The following KIF21B variants were observed in gnomAD, a reference collection of about 807,000 sequenced individuals.
KIF21B encodes the protein kinesin-like protein KIF21B.
In KIF21B, 85 loss-of-function variants were observed where a neutral mutation model predicts 192.9. That is an observed-to-expected ratio of 0.44 (90% CI 0.37 to 0.53). The LOEUF (loss-of-function observed/expected upper bound fraction) is 0.53. Among genes scored for constraint, KIF21B ranks in the 20% least tolerant of loss-of-function variants. KIF21B has a pLI of 0.00. For synonymous variants in KIF21B, 832 were observed against 884.6 expected (o/e 0.94, Z 1.05); for missense variants, 1,716 against 2,194.8 (o/e 0.78, Z 4.36).
In KIF21B at chr1:200,991,036, TGAG is replaced by T. The variant is rs1656658705; in HGVS notation, c.2565_2567del (p.Ser857del). ...AGCGGGCCCCTGATTCAGCCTCAGA[TGAG>T]GTAGTGCTGGCCGACACCTCAGCCC... On this transcript the variant is annotated inframe_deletion, in exon 18 of 35. Transcript: ENST00000461742. 1 of 1,614,056 alleles carries T rather than the reference TGAG, an allele frequency of 6.2e-7. No individual in the cohort carries two copies. Among genetic ancestry groups the T allele is most frequent in the Admixed American group, 1.7e-5 (1 of 60,008 alleles).
rs780848833 is a variant in KIF21B, at chr1:200,974,833, A to C, written c.4695T>G (p.Arg1565=). The C allele has an allele frequency of 6.2e-7, 1 of 1,614,106 alleles. No individual in the cohort carries two copies. Among genetic ancestry groups the C allele is most frequent in the African/African-American group, 1.3e-5 (1 of 74,942 alleles). ...CGTTCCAGACCTTGATGACACCCGC[A>C]CGGCAGGCGCTGAGCAGCATGGGGC... ...PGRPMLLSAC[R]AGVIKVWNVD... The change falls in exon 34 of 35, where the codon CGT becomes CGG. Residue 1565 remains arginine, a synonymous_variant. Transcript: ENST00000461742.
chr1:201,008,670 T>A (rs1283556034), intron 3 of KIF21B, 99 bp downstream of exon 3: 1 of 1,135,904 alleles, frequency 8.8e-7, no homozygotes, highest in East Asian at 2.4e-5. Context: ...GCCCCCATGG[T>A]TCCCAGGACT....
In KIF21B at chr1:200,975,600, C is replaced by T. The variant is rs144049379; in HGVS notation, c.4513G>A (p.Asp1505Asn). The part of the protein sequence containing the change: ...PTHNFEPPHY[D>N]GIECLAIQGD... ...TGGATGGCGAGACACTCGATGCCAT[C>T]GTAGTGCGGGGGCTCGAAGTTGTGA... The change falls in exon 33 of 35, where the codon GAT becomes AAT. Residue 1505 changes from aspartate to asparagine, a missense_variant. Around this residue, in one of 3 missense-constraint regions of KIF21B, gnomAD observed 580 missense variants for 775.5 expected, o/e 0.75. Coordinates refer to ENST00000461742, the MANE Select transcript of KIF21B (RefSeq NM_001252102.2). The surrounding 1 kb of genome is among the most constrained non-coding windows in gnomAD (Gnocchi z 4.3). The T allele has an allele frequency of 2.5e-6, 4 of 1,613,934 alleles. No homozygotes were observed. The African/African-American group carries it at 4.0e-5, about 16-fold the overall frequency.
In KIF21B at chr1:201,017,106, G is replaced by A. The variant is rs937428722; in HGVS notation, c.41+6237C>T. On this transcript the variant is annotated intron_variant, in intron 1 of 34. Coordinates refer to ENST00000461742, the MANE Select transcript of KIF21B (RefSeq NM_001252102.2). The surrounding 1 kb of genome is among the most constrained non-coding windows in gnomAD (Gnocchi z 4.1). ...GCTTCTGAGTAACGCTAAGGGTCAG[G>A]CAGGCTAACAGGGGAGGGGGTGCCT... Among the ~76,000 whole-genome samples, 1 of 152,134 alleles carries A rather than the reference G, an allele frequency of 6.6e-6. No individual in the cohort carries two copies. The highest frequency in any genetic ancestry group is 1.5e-5 in the Non-Finnish European group (1 of 68,026).
intron 3 of KIF21B, 112 bp from the exon 4 acceptor site, chr1:201,005,806 G>T: frequency 8.5e-7 from 1 of 1,181,674 alleles, no homozygotes; most frequent in Non-Finnish European, 1.2e-6. Context: ...GAGGCTGTGG[G>T]TCCCCTCTGG....
Position 200,998,538 on chromosome 1 carries a change from A to C in KIF21B, c.1923T>G (p.Cys641Trp). 6.2e-7 allele frequency: 1 copy of C among 1,613,636 alleles called. No homozygotes were observed. The highest frequency in any genetic ancestry group is 8.5e-7 in the Non-Finnish European group (1 of 1,179,970). ...NFQADLADLT[C>W]EIEIKQKLID... is the part of the protein sequence containing the mutation. ...TCAGCTTCTGCTTGATTTCGATCTC[A>C]CAAGTCAGGTCGGCCAGGTCCGCCT... Residue 641 changes from cysteine (C) to tryptophan (W), a missense_variant, in exon 14 of 35, where the codon TGT (cysteine) becomes TGG (tryptophan). Transcript: ENST00000461742. The surrounding 1 kb of genome is among the most constrained non-coding windows in gnomAD (Gnocchi z 4.3).
At chr1:200,976,918 G>A (rs556415102) in intron 31 of KIF21B, 25 bp from the exon 32 acceptor site, 1 of 1,559,330 alleles carries the variant, frequency 6.4e-7, no homozygotes, top group Non-Finnish European at 8.8e-7. Context: ...GGCCCAGCCA[G>A]GGGTAGGTGA....
At position 200,999,812 on chromosome 1, in the gene KIF21B, G is replaced by A; in HGVS notation, c.1767+71C>T. On this transcript the variant is annotated intron_variant, in intron 12 of 34. Coordinates refer to ENST00000461742, the MANE Select transcript of KIF21B (RefSeq NM_001252102.2). The surrounding 1 kb of genome is among the most constrained non-coding windows in gnomAD (Gnocchi z 4.7). ...CTTCACTCCATACAAGGATGCGGAT[G>A]GGGCCCCCGCCAACCCCAGCAGGGA... is the stretch of plus-strand genomic sequence containing the variant. The A allele has an allele frequency of 1.3e-6, 2 of 1,536,398 alleles. No homozygotes were observed. The highest frequency in any genetic ancestry group is 1.7e-5 in the Admixed American group (1 of 59,910).
Position 201,023,380 on chromosome 1 carries a change from C to T in KIF21B, c.4G>A (p.Ala2Thr). ...TTGACGCAGCAGTCCCCCTGGCCGG[C>T]CATGGCCCTCTGGAGCTAGGGTCTG... M[A>T]GQGDCCVKVA... is the part of the protein sequence containing the mutation. Residue 2 changes from alanine (A) to threonine (T), a missense_variant, in exon 1 of 35, where the codon GCC becomes ACC. This residue lies in a region of KIF21B where 1,087 missense variants were observed against 1,316.6 expected (regional missense o/e 0.83). Transcript: ENST00000461742. The surrounding 1 kb of genome is among the most constrained non-coding windows in gnomAD (Gnocchi z 5.9). 1 of 1,526,126 alleles carries T rather than the reference C, an allele frequency of 6.6e-7. No homozygotes were observed. The highest frequency in any genetic ancestry group is 8.8e-7 in the Non-Finnish European group (1 of 1,139,188). 94.5% of individuals were successfully genotyped at this position (1,526,126 alleles called of 1,614,324 possible).
Position 200,998,510 on chromosome 1 carries a change from C to G in KIF21B, c.1951G>C (p.Asp651His), listed in dbSNP as rs186282104. The change falls in exon 14 of 35, where the codon GAC (aspartate) becomes CAC (histidine). Residue 651 changes from aspartate to histidine, a missense_variant. Asp to His is a moderately conservative substitution (Grantham distance 81, BLOSUM62 -1). Coordinates refer to ENST00000461742, the MANE Select transcript of KIF21B (RefSeq NM_001252102.2). The surrounding 1 kb of genome is among the most constrained non-coding windows in gnomAD (Gnocchi z 4.3). ...CGCCGCTGGCTGTTCTCCAGCTCGT[C>G]GATCAGCTTCTGCTTGATTTCGATC... ...CEIEIKQKLI[D>H]ELENSQRRLQ... 9.9e-6 allele frequency: 16 copies of G among 1,613,906 alleles called. No homozygotes were observed. The highest frequency in any genetic ancestry group is 1.2e-5 in the Non-Finnish European group (14 of 1,180,006).
At chr1:200,983,175 G>A (rs1656057893) in intron 27 of KIF21B, 81 bp from the exon 28 acceptor site, 1 of 1,256,928 alleles carries the variant, frequency 8.0e-7, no homozygotes, top group Admixed American at 2.0e-5. Context: ...AGCAGTGTGT[G>A]GGGTGGTCAG....
chr1:200,979,433 G>C (rs1655769425), intron 30 of KIF21B, 102 bp downstream of exon 30: 1 of 822,416 alleles, frequency 1.2e-6, no homozygotes, highest in Non-Finnish European at 1.8e-6. Context: ...TGCCCATGTA[G>C]CCGGGCTGTG....
Position 200,999,288 on chromosome 1 carries a change from C to T in KIF21B, c.1885+61G>A. 1 of 1,607,300 alleles carries T rather than the reference C, an allele frequency of 6.2e-7. No individual in the cohort carries two copies. The highest frequency in any genetic ancestry group is 8.5e-7 in the Non-Finnish European group (1 of 1,174,518). On this transcript the variant is annotated intron_variant, in intron 13 of 34. Coordinates refer to ENST00000461742, the MANE Select transcript of KIF21B (RefSeq NM_001252102.2). This position sits in a 1 kb window ranked among gnomAD's most constrained non-coding sequence, Gnocchi z 4.7. ...TATCTTTGAGCAGGGCCCGACCCCA[C>T]ACTTGGGCACTGGCAGCCAGGCATT...
At chr1:201,004,732 G>A (rs1344017723) in intron 6 of KIF21B, 34 bp downstream of exon 6, 2 of 1,613,066 alleles carry the variant, frequency 1.2e-6, no homozygotes, top group African/African-American at 2.7e-5. Context: ...TGAGCTGTGT[G>A]GGTGCTGGGG....
At position 200,997,839 on chromosome 1, in the gene KIF21B, T is replaced by C. The variant is rs1438353008; in HGVS notation, c.2077+545A>G. Among the ~76,000 whole-genome samples the C allele has an allele frequency of 3.9e-5, 6 of 152,338 alleles. No homozygotes were observed. The South Asian group carries it at 6.2e-4, about 16-fold the overall frequency. ...ATACTTATCACCATTTGACACACTA[T>C]AGTTTCTGCTCTTTCGTTTATGTTT... On this transcript the variant is annotated intron_variant, in intron 14 of 34. Coordinates refer to ENST00000461742, the MANE Select transcript of KIF21B (RefSeq NM_001252102.2).
rs2102369840 is a variant in KIF21B at position 200,975,423 on chromosome 1, G to T, written c.4614+76C>A. On this transcript the variant is annotated intron_variant, in intron 33 of 34. Transcript: ENST00000461742. The surrounding 1 kb of genome is among the most constrained non-coding windows in gnomAD (Gnocchi z 4.3). ...CTGGGGCCCGCGAGTCCAGGTCCCA[G>T]GGTCTCCAAGGCCCTGCGTGGGCTA... is the stretch of plus-strand genomic sequence containing the variant. 1 of 1,394,676 alleles carries T rather than the reference G, an allele frequency of 7.2e-7. No individual in the cohort carries two copies. Among genetic ancestry groups the T allele is most frequent in the East Asian group, 2.3e-5 (1 of 43,024 alleles). 86.4% of individuals were successfully genotyped at this position (1,394,676 alleles called of 1,614,324 possible).
In KIF21B at chr1:200,979,539, G is replaced by C. The variant is rs758234153; in HGVS notation, c.4156C>G (p.Leu1386Val). The change falls in exon 30 of 35, where the codon CTC becomes GTC. Residue 1386 changes from leucine (L) to valine (V), a missense_variant. Physicochemically the swap from Leu to Val is conservative, Grantham distance 32. This residue lies in a region of KIF21B where 580 missense variants were observed against 775.5 expected (regional missense o/e 0.75). Transcript: ENST00000461742. The part of the protein sequence containing the change: ...IRDSAKCIRT[L>V]TSSGQVISGD... ...AGGCAGGCGGGGGTTACTCACGTGA[G>C]AGTCCGAATGCACTTGGCTGAGTCC... 10 of 1,543,756 alleles carry C rather than the reference G, an allele frequency of 6.5e-6. No homozygotes were observed. The highest frequency in any genetic ancestry group is 6.2e-5 in the South Asian group (5 of 80,638).
At chr1:201,007,039 GAGACACATAGACACACACACAC>G (rs1657879641) in intron 3 of KIF21B, among the ~76,000 whole-genome samples, 2 of 95,138 alleles carry the variant, frequency 2.1e-5, no homozygotes, top group South Asian at 3.3e-4. Context: ...CACAGACACA[GAGACACATAGACACACACACAC>G]ACAGACACAC....
intron 21 of KIF21B, among the ~76,000 whole-genome samples, chr1:200,989,136 C>A (rs1656509461): frequency 6.6e-6 from 1 of 152,142 alleles, no homozygotes; most frequent in Non-Finnish European, 1.5e-5. Context: ...TTAGGACATA[C>A]CCTATTATGG....
Sources: allele counts gnomAD v4.1 joint callset (sites outside exome capture counted in the v4.1 genomes callset), GRCh38; gene constraint gnomAD v4.1.1; regional missense constraint gnomAD v4.1.1; non-coding constraint Gnocchi (gnomAD v3.1); transcripts MANE v1.5; gene names NCBI Gene and HGNC (gene_info 2026-07-23, HGNC 2026-07-21).